CADPS2: variants seen among roughly 807,000 people sequenced by gnomAD.
The protein encoded by CADPS2 is calcium-dependent secretion activator 2.
Under a neutral mutation model 172.5 loss-of-function variants are expected in CADPS2, and 93 were observed. The ratio of observed to expected loss-of-function variants is 0.54; its 90% CI spans 0.46 to 0.64. The LOEUF (loss-of-function observed/expected upper bound fraction) is 0.64, where lower values mean the gene tolerates loss of function less well. Among genes scored for constraint, CADPS2 ranks in the 30% least tolerant of loss-of-function variants. The probability of loss-of-function intolerance (pLI) is 0.00; values close to 1 mark genes in which losing one functional copy is unlikely to be tolerated. For missense variants in CADPS2, 1,420 were observed against 1,565.9 expected (o/e 0.91, Z 1.57); for synonymous variants, 546 against 555.2 (o/e 0.98, Z 0.23).
rs143391455 is a variant in CADPS2 at position 122,445,742 on chromosome 7, G to C, written c.2289-4167C>G. Among the ~76,000 whole-genome samples the C allele has an allele frequency of 4.3e-3, 655 of 152,270 alleles. 7 individuals are homozygous for C. Among genetic ancestry groups the C allele is most frequent in the African/African-American group, 0.013 (558 of 41,552 alleles). The stretch of plus-strand genomic sequence containing the variant: ...AGGTGGGAGGATCGCTTGAGCCTGG[G>C]AAGTTGAGGCTGCAGTGAGCAGTGA... On this transcript the variant is annotated intron_variant, in intron 15 of 29. Transcript: ENST00000449022.
intron 1 of CADPS2, among the ~76,000 whole-genome samples, chr7:122,872,331 CCTCT>C (rs890077201): frequency 7.9e-5 from 12 of 152,024 alleles, no homozygotes; most frequent in Non-Finnish European, 1.6e-4. Context: ...TTTTGGCCTC[CCTCT>C]CTGTCATTTC....
chr7:122,871,285 G>A (rs1819680048), intron 1 of CADPS2, among the ~76,000 whole-genome samples: 1 of 151,748 alleles, frequency 6.6e-6, no homozygotes, highest in Non-Finnish European at 1.5e-5. Context: ...CAAATGAAAT[G>A]AAAAACAACC....
chr7:122,328,354 C>CA (rs1274492212), intron 28 of CADPS2: 1 of 152,066 alleles, frequency 6.6e-6, no homozygotes, highest in East Asian at 1.9e-4. Flanking sequence ...CCAAACCAAA[C>CA]AAAAAATTGG....
At chr7:122,341,336 G>T (rs2036758132) in intron 28 of CADPS2, among the ~76,000 whole-genome samples, 1 of 152,084 alleles carries the variant, frequency 6.6e-6, no homozygotes, top group African/African-American at 2.4e-5. Context: ...GACCCTTTAT[G>T]CAATCAGTCC....
intron 12 of CADPS2, among the ~76,000 whole-genome samples, chr7:122,479,068 G>C (rs2152244169): frequency 6.6e-6 from 1 of 152,186 alleles, no homozygotes; most frequent in Admixed American, 6.5e-5. Context: ...AGGTAAAGGG[G>C]CACTCTGGAT....
chr7:122,705,646 TATATA>T (rs1278374426), intron 2 of CADPS2, among the ~76,000 whole-genome samples: 36 of 97,184 alleles, frequency 3.7e-4, no homozygotes, highest in South Asian at 1.6e-3. Flanking sequence ...TATAATATAT[TATATA>T]ATATATCTCA....
chr7:122,702,559 A>C, intron 2 of CADPS2: 2 of 1,613,536 alleles, frequency 1.2e-6, no homozygotes, highest in South Asian at 1.1e-5. Context: ...GAGGAGAATG[A>C]TTCCCGAACA....
At chr7:122,348,646 A>G (rs141032738) in intron 27 of CADPS2, among the ~76,000 whole-genome samples, 2 of 152,274 alleles carry the variant, frequency 1.3e-5, no homozygotes, top group African/African-American at 4.8e-5. Context: ...CTGTTTACCT[A>G]TTCTTGAAAT....
rs2075612834 is a variant in CADPS2, at chr7:122,621,603, C to G, written c.982G>C (p.Gly328Arg). The G allele has an allele frequency of 6.2e-7, 1 of 1,613,782 alleles. No individual in the cohort carries two copies. Among genetic ancestry groups the G allele is most frequent in the Non-Finnish European group, 8.5e-7 (1 of 1,179,734 alleles). Residue 328 changes from glycine to arginine, a missense_variant, in exon 5 of 30, where the codon GGT becomes CGT. Physicochemically the swap from Gly to Arg is moderately radical, Grantham distance 125. Transcript: ENST00000449022. ...ANLESLPVSK[G>R]GPEFKLQKLK... Reference sequence around the variant, plus strand: ...TTTTGTAATTTAAATTCCGGACCACCTTTCGAAACTGGAAGACTTTCCAAA... The same window carrying G: ...TTTTGTAATTTAAATTCCGGACCACGTTTCGAAACTGGAAGACTTTCCAAA...
chr7:122,548,490 A>C (rs2063855099), intron 8 of CADPS2, among the ~76,000 whole-genome samples: 1 of 152,198 alleles, frequency 6.6e-6, no homozygotes, highest in Non-Finnish European at 1.5e-5. Context: ...ATCTAATGAG[A>C]TCAACAATGT....
intron 1 of CADPS2, among the ~76,000 whole-genome samples, chr7:122,866,177 T>C (rs1224343534): frequency 2.0e-5 from 3 of 152,350 alleles, no homozygotes; most frequent in East Asian, 1.9e-4. Context: ...TTTTTAACCA[T>C]GTTATAATCT....
chr7:122,679,766 A>C (rs10278811), intron 2 of CADPS2, among the ~76,000 whole-genome samples: 2 of 151,924 alleles, frequency 1.3e-5, no homozygotes, highest in South Asian at 4.1e-4. Flanking sequence ...CAGACCGGCC[A>C]ACACTGAGGG....
At chr7:122,586,243 C>T (rs1225480058) in intron 6 of CADPS2, among the ~76,000 whole-genome samples, 2 of 151,898 alleles carry the variant, frequency 1.3e-5, no homozygotes, top group East Asian at 3.9e-4. Context: ...CAACCGAAGT[C>T]CCTATCCCCT....
At chr7:122,500,952 T>C (rs951093374) in intron 9 of CADPS2, among the ~76,000 whole-genome samples, 2 of 152,152 alleles carry the variant, frequency 1.3e-5, no homozygotes, top group Non-Finnish European at 2.9e-5. Flanking sequence ...TAATAAAATG[T>C]ATAATTTAAT....
intron 17 of CADPS2, chr7:122,427,236 A>C (rs2049285311): frequency 6.6e-6 from 1 of 152,088 alleles, no homozygotes; most frequent in African/African-American, 2.4e-5. Flanking sequence ...GATCGTGGGG[A>C]ATCTGGGATA....
intron 6 of CADPS2, among the ~76,000 whole-genome samples, chr7:122,600,696 A>T (rs2072629872): frequency 6.6e-6 from 1 of 152,082 alleles, no homozygotes; most frequent in African/African-American, 2.4e-5. Context: ...TTATGACATG[A>T]GTTTGTTCAG....
chr7:122,487,297 C>T (rs2057916161), intron 11 of CADPS2, among the ~76,000 whole-genome samples: 1 of 152,086 alleles, frequency 6.6e-6, no homozygotes, highest in Admixed American at 6.6e-5. Context: ...AGGCTTGAGC[C>T]ACTGCGCCGG....
At chr7:122,384,136 T>C (rs2043339365) in intron 24 of CADPS2, among the ~76,000 whole-genome samples, 7 of 152,110 alleles carry the variant, frequency 4.6e-5, no homozygotes, top group Admixed American at 4.6e-4. Flanking sequence ...AGCTGTCACA[T>C]GAGCAGATCA....
chr7:122,521,880 T>C lies in CADPS2; in HGVS notation c.1476-8565A>G, dbSNP rs147431896. Among the ~76,000 whole-genome samples, 367 of 152,252 alleles carry C rather than the reference T, an allele frequency of 2.4e-3. 2 individuals carry two copies. The highest frequency in any genetic ancestry group is 8.3e-3 in the African/African-American group (343 of 41,558). On this transcript the variant is annotated intron_variant, in intron 8 of 29. Coordinates refer to ENST00000449022, the MANE Select transcript of CADPS2 (RefSeq NM_017954.11). ...TACCTTCTGTTAGTTTCATCTCAGT[T>C]AAATCCAAGTTAAGCCTCAGCTCAT... is the stretch of plus-strand genomic sequence containing the variant.
Sources: gnomAD v4.1 joint callset for allele counts (sites outside exome capture counted in the v4.1 genomes callset) on GRCh38, gnomAD v4.1.1 for gene constraint, MANE v1.5 for transcripts, NCBI Gene and HGNC (gene_info 2026-07-23, HGNC 2026-07-21) for gene names.